The following GREM1 variants were observed in gnomAD, a reference collection of about 807,000 sequenced individuals.
The protein encoded by GREM1 is gremlin 1, DAN family BMP antagonist.
In GREM1, 6 loss-of-function variants were observed where a neutral mutation model predicts 13.1. The observed-to-expected ratio is 0.46, with a 90% confidence interval of 0.25 to 0.91. The LOEUF is 0.91. Among genes scored for constraint, GREM1 ranks in the 40% least tolerant of loss-of-function variants. The pLI, the probability that GREM1 is intolerant of heterozygous loss-of-function variation, is 0.18. For synonymous variants in GREM1, 98 were observed against 93.7 expected, an observed-to-expected ratio of 1.05 and a Z score of -0.27; for missense variants, 185 against 233.9, an observed-to-expected ratio of 0.79 and a Z score of 1.36.
intron 1 of GREM1, among the ~76,000 whole-genome samples, chr15:32,723,298 G>A (rs2055442144): frequency 1.3e-5 from 2 of 152,168 alleles, no homozygotes; most frequent in African/African-American, 2.4e-5. Context: ...AGAATCAAGA[G>A]CAGTCTGGGG....
intron 1 of GREM1, among the ~76,000 whole-genome samples, chr15:32,725,321 G>A (rs1005218535): frequency 2.0e-5 from 3 of 151,906 alleles, no homozygotes; most frequent in Non-Finnish European, 2.9e-5. Flanking sequence ...CTTTAATGAC[G>A]GCCATTCTAA....
rs1260381927 is a variant in GREM1, at chr15:32,731,451, T to C, written c.*206T>C. On this transcript the variant is annotated 3_prime_UTR_variant, in exon 2 of 2. Coordinates refer to ENST00000651154, the MANE Select transcript of GREM1 (RefSeq NM_013372.7). ...TTTTTAGACACCAGAGAAAACACAG[T>C]CTCTGCTAGAGAGCACTCCCTATTT... 60 of 611,160 alleles carry C rather than the reference T, an allele frequency of 9.8e-5. No individual in the cohort carries two copies. The East Asian group carries it at 1.5e-3, about 16-fold the overall frequency. The allele number at this position is 611,160 out of a possible 1,614,324, so 37.9% of individuals were successfully genotyped here.
rs183732017 is a variant in GREM1 at position 32,723,025 on chromosome 15, C to T, written c.-2+4864C>T. Among the ~76,000 whole-genome samples the T allele has an allele frequency of 4.7e-4, 71 of 152,278 alleles. 1 individual carries two copies. Among genetic ancestry groups the T allele is most frequent in the African/African-American group, 1.6e-3 (67 of 41,552 alleles). ...ATTTAGTGATATGAGTAGGCCATTT[C>T]ATAAGTGGTGGAAATTACCATAAAG... On this transcript the variant is annotated intron_variant, in intron 1 of 1. Transcript: ENST00000651154.
intron 1 of GREM1, among the ~76,000 whole-genome samples, chr15:32,724,724 G>A (rs959320653): frequency 3.3e-5 from 5 of 151,842 alleles, no homozygotes; most frequent in Non-Finnish European, 7.4e-5. Context: ...GTGCCATGGT[G>A]GTTTGCTGCA....
intron 1 of GREM1, chr15:32,718,657 G>A (rs1422523125): frequency 2.8e-6 from 1 of 361,600 alleles, no homozygotes; most frequent in Non-Finnish European, 5.4e-6. Flanking sequence ...TCCGCGGGTT[G>A]GAGCATCCGG....
At chr15:32,721,819 C>T (rs2140670466) in intron 1 of GREM1, among the ~76,000 whole-genome samples, 1 of 152,320 alleles carries the variant, frequency 6.6e-6, no homozygotes, top group South Asian at 2.1e-4. Flanking sequence ...TGTAACTTGG[C>T]CGTCTCTCAG....
rs1269088809 is a variant in GREM1, at chr15:32,735,280, C to G, written c.*4035C>G. 1 of 151,962 alleles carries G rather than the reference C, an allele frequency of 6.6e-6. No individual in the cohort carries two copies. The highest frequency in any genetic ancestry group is 1.5e-5 in the Non-Finnish European group (1 of 67,988). 9.4% of individuals were successfully genotyped at this position (151,962 alleles called of 1,614,324 possible). A position where few individuals can be genotyped will look rare whatever the true frequency, so the allele number is the denominator to read the frequency against. On this transcript the variant is annotated 3_prime_UTR_variant, in exon 2 of 2. Coordinates refer to ENST00000651154, the MANE Select transcript of GREM1 (RefSeq NM_013372.7). ...GGGTGCTCTGATGATAATGAAAATCCCAGCAGCTATGTATGGGATGGTTAC... is the reference window on the plus strand; with the variant it reads ...GGGTGCTCTGATGATAATGAAAATCGCAGCAGCTATGTATGGGATGGTTAC...
rs570124583 is a variant in GREM1 at position 32,738,596 on chromosome 15, T to G, written c.*7351T>G. The G allele has an allele frequency of 9.2e-5, 14 of 152,266 alleles. 1 individual carries two copies. Among genetic ancestry groups the G allele is most frequent in the Admixed American group, 7.2e-4 (11 of 15,296 alleles). The allele number at this position is 152,266 out of a possible 1,614,324, so 9.4% of individuals were successfully genotyped here. On this transcript the variant is annotated 3_prime_UTR_variant, in exon 2 of 2. Transcript: ENST00000651154. ...GTTAATCCTAAAATTCATAAGAAATTGAAAGGGATCCACAATAGCCAAAAT... is the reference window on the plus strand; with the variant it reads ...GTTAATCCTAAAATTCATAAGAAATGGAAAGGGATCCACAATAGCCAAAAT...
intron 1 of GREM1, among the ~76,000 whole-genome samples, chr15:32,724,755 A>G (rs2140677195): frequency 6.6e-6 from 1 of 152,106 alleles, no homozygotes; most frequent in South Asian, 2.1e-4. Context: ...CATCATCTAC[A>G]TTAGGTATTT....
In GREM1 at chr15:32,742,261, G is replaced by A. The variant is rs2055768616; in HGVS notation, c.*11016G>A. 6.6e-6 allele frequency: 1 copy of A among 152,062 alleles called. No individual in the cohort carries two copies. The highest frequency in any genetic ancestry group is 1.5e-5 in the Non-Finnish European group (1 of 67,964). 9.4% of individuals were successfully genotyped at this position (152,062 alleles called of 1,614,324 possible). A position where few individuals can be genotyped will look rare whatever the true frequency, so the allele number is the denominator to read the frequency against. ...TTTGAGAATAATTGGCATTAGTTTT[G>A]TTAAATGTTTGGTTGAATTCACTAG... On this transcript the variant is annotated 3_prime_UTR_variant, in exon 2 of 2. Coordinates refer to ENST00000651154, the MANE Select transcript of GREM1 (RefSeq NM_013372.7).
Position 32,730,943 on chromosome 15 carries a change from G to C in GREM1, c.253G>C (p.Glu85Gln). Residue 85 changes from glutamate to glutamine, a missense_variant, in exon 2 of 2, where the codon GAG (glutamate) becomes CAG (glutamine). Coordinates refer to ENST00000651154, the MANE Select transcript of GREM1 (RefSeq NM_013372.7). ...CAGCCAAGAGGCCCTGCATGTGACG[G>C]AGCGCAAATACCTGAAGCGAGACTG... Reference protein sequence around the residue: ...ESSQEALHVTERKYLKRDWCK... With the variant: ...ESSQEALHVTQRKYLKRDWCK... The C allele has an allele frequency of 6.2e-7, 1 of 1,614,076 alleles. No homozygotes were observed. The highest frequency in any genetic ancestry group is 8.5e-7 in the Non-Finnish European group (1 of 1,180,034).
At chr15:32,718,638 C>G (rs1244593539) in intron 1 of GREM1, 1 of 364,334 alleles carries the variant, frequency 2.7e-6, no homozygotes, top group East Asian at 7.3e-5. Context: ...CTTGGGGCGC[C>G]CATTGGAGTC....
At position 32,733,469 on chromosome 15, in the gene GREM1, T is replaced by G. The variant is rs1384304555; in HGVS notation, c.*2224T>G. 6 of 231,976 alleles carry G rather than the reference T, an allele frequency of 2.6e-5. No individual in the cohort carries two copies. The highest frequency in any genetic ancestry group is 5.6e-5 in the Non-Finnish European group (6 of 107,938). The allele number at this position is 231,976 out of a possible 1,614,324, so 14.4% of individuals were successfully genotyped here. A position where few individuals can be genotyped will look rare whatever the true frequency, so the allele number is the denominator to read the frequency against. The stretch of plus-strand genomic sequence containing the variant: ...GCAGCAGTAATCTTCTTTTAGGAGC[T>G]TGTACCACAGTCTTGCACATAAGTG... On this transcript the variant is annotated 3_prime_UTR_variant, in exon 2 of 2. Transcript: ENST00000651154.
chr15:32,719,942 T>C (rs1490146656), intron 1 of GREM1, among the ~76,000 whole-genome samples: 1 of 152,038 alleles, frequency 6.6e-6, no homozygotes, highest in Admixed American at 6.6e-5. Flanking sequence ...TTAAGAAAAC[T>C]ATATATTCTC....
rs1009432877 is a variant in GREM1 at position 32,743,958 on chromosome 15, G to A, written c.*12713G>A. ...GACTTAGTAACTGGCTTCCTCTAGA[G>A]TGACTAATCCAAGAGACAGCAAGGA... On this transcript the variant is annotated 3_prime_UTR_variant, in exon 2 of 2. Coordinates refer to ENST00000651154, the MANE Select transcript of GREM1 (RefSeq NM_013372.7). 2 of 152,148 alleles carry A rather than the reference G, an allele frequency of 1.3e-5. No individual in the cohort carries two copies. Among genetic ancestry groups the A allele is most frequent in the African/African-American group, 4.8e-5 (2 of 41,410 alleles). 9.4% of individuals were successfully genotyped at this position (152,148 alleles called of 1,614,324 possible).
At chr15:32,730,602 G>A (rs2055598963) in intron 1 of GREM1, 88 bp from the exon 2 acceptor site, 7 of 873,838 alleles carry the variant, frequency 8.0e-6, no homozygotes, top group Middle Eastern at 3.0e-4. Context: ...TTAACGGTGC[G>A]TTTAAATGCT....
chr15:32,727,444 C>G (rs915995760), intron 1 of GREM1, among the ~76,000 whole-genome samples: 1 of 152,278 alleles, frequency 6.6e-6, no homozygotes, highest in South Asian at 2.1e-4. Context: ...AAATTCAACA[C>G]CCCTTCAATG....
chr15:32,744,693 A>T lies in GREM1; in HGVS notation c.*13448A>T, dbSNP rs1275390852. On this transcript the variant is annotated 3_prime_UTR_variant, in exon 2 of 2. Coordinates refer to ENST00000651154, the MANE Select transcript of GREM1 (RefSeq NM_013372.7). ...GTTACTCTCTTTGTACATTGTACAG[A>T]TGCAGGATAACAATGCAGTGTTATC... 1 of 151,866 alleles carries T rather than the reference A, an allele frequency of 6.6e-6. No homozygotes were observed. Among genetic ancestry groups the T allele is most frequent in the Non-Finnish European group, 1.5e-5 (1 of 67,946 alleles). The allele number at this position is 151,866 out of a possible 1,614,324, so 9.4% of individuals were successfully genotyped here. A position where few individuals can be genotyped will look rare whatever the true frequency, so the allele number is the denominator to read the frequency against.
rs1166546309 is a variant in GREM1, at chr15:32,738,288, A to G, written c.*7043A>G. On this transcript the variant is annotated 3_prime_UTR_variant, in exon 2 of 2. Transcript: ENST00000651154. The stretch of plus-strand genomic sequence containing the variant: ...AGGTTGCAGGATACAAGATCAACAT[A>G]CAGATATAAATTGTATTCTACACAC... The G allele has an allele frequency of 6.6e-6, 1 of 151,942 alleles. No individual in the cohort carries two copies. The highest frequency in any genetic ancestry group is 1.5e-5 in the Non-Finnish European group (1 of 67,974). The allele number at this position is 151,942 out of a possible 1,614,324, so 9.4% of individuals were successfully genotyped here.
Sources: allele counts gnomAD v4.1 joint callset (sites outside exome capture counted in the v4.1 genomes callset), GRCh38; gene constraint gnomAD v4.1.1; transcripts MANE v1.5; gene names NCBI Gene and HGNC (gene_info 2026-07-23, HGNC 2026-07-21).